IPO9: variants seen among roughly 807,000 people sequenced by gnomAD.
IPO9 encodes the protein importin 9, also known as importin-9.
A neutral mutation model predicts 128.6 loss-of-function variants in IPO9; 28 were observed. The observed-to-expected ratio is 0.22, with a 90% confidence interval of 0.16 to 0.30. The LOEUF (loss-of-function observed/expected upper bound fraction) is 0.30. Ranked by LOEUF, IPO9 falls within the 10% of genes least tolerant of loss-of-function variation. The probability of loss-of-function intolerance (pLI) is 1.00; values close to 1 mark genes in which losing one functional copy is unlikely to be tolerated. For synonymous variants in IPO9, 455 were observed against 475.8 expected, an observed-to-expected ratio of 0.96 and a Z score of 0.57; for missense variants, 935 against 1,293.9, an observed-to-expected ratio of 0.72 and a Z score of 4.26.
rs139364179 is a variant in IPO9 at position 201,868,658 on chromosome 1, C to T, written c.1866C>T (p.Val622=). The T allele has an allele frequency of 7.6e-5, 122 of 1,613,608 alleles. No homozygotes were observed. The highest frequency in any genetic ancestry group is 9.8e-5 in the Non-Finnish European group (116 of 1,179,780). ...CCTTATCCACTTCAGATCCCGTCGTCGCCTCACTGGCTCAGGACATCTTCA... is the reference window on the plus strand; with the variant it reads ...CCTTATCCACTTCAGATCCCGTCGTTGCCTCACTGGCTCAGGACATCTTCA... ...IFLKYSNDPV[V]ASLAQDIFKE... The change falls in exon 16 of 24, where the codon GTC becomes GTT. Residue 622 remains valine, a synonymous_variant. Transcript: ENST00000361565.
At chr1:201,871,472 C>T (rs1680652384) in intron 19 of IPO9, 145 bp downstream of exon 19, 3 of 571,172 alleles carry the variant, frequency 5.3e-6, no homozygotes, top group Non-Finnish European at 2.9e-6. Flanking sequence ...CTGCAACCTC[C>T]ACCTCCTAGG....
intron 1 of IPO9, among the ~76,000 whole-genome samples, chr1:201,831,545 A>G (rs1421693626): frequency 6.6e-6 from 1 of 152,180 alleles, no homozygotes; most frequent in East Asian, 1.9e-4. Flanking sequence ...ATGGCGGTCC[A>G]TTCCCTCAGA....
intron 6 of IPO9, among the ~76,000 whole-genome samples, chr1:201,853,985 C>T (rs1680272915): frequency 6.6e-6 from 1 of 152,204 alleles, no homozygotes; most frequent in African/African-American, 2.4e-5. Flanking sequence ...ATCCACCCAC[C>T]TCGGCCTCCC....
At chr1:201,873,768 A>T (rs906553074) in intron 20 of IPO9, among the ~76,000 whole-genome samples, 2 of 152,146 alleles carry the variant, frequency 1.3e-5, no homozygotes, top group Non-Finnish European at 2.9e-5. Context: ...AAAGACAAAA[A>T]TAGTCTCAGG....
At chr1:201,869,471 C>T in intron 16 of IPO9, 119 bp from the exon 17 acceptor site, 1 of 1,243,286 alleles carries the variant, frequency 8.0e-7, no homozygotes, top group South Asian at 1.4e-5. Flanking sequence ...GGAAACTTGC[C>T]TTTCATTAAT....
chr1:201,871,366 A>G, intron 19 of IPO9, 39 bp downstream of exon 19: 1 of 617,906 alleles, frequency 1.6e-6, no homozygotes, highest in Non-Finnish European at 2.4e-6. Flanking sequence ...TTCTGCCACC[A>G]CTCATATTTC....
At chr1:201,871,663 G>A (rs143813205) in intron 19 of IPO9, among the ~76,000 whole-genome samples, 1 of 152,132 alleles carries the variant, frequency 6.6e-6, no homozygotes, top group East Asian at 1.9e-4. Flanking sequence ...ACAGTGCTGG[G>A]ATTACAGGTG....
chr1:201,854,468 C>T lies in IPO9; in HGVS notation c.691-127C>T, dbSNP rs182352718. On this transcript the variant is annotated intron_variant, in intron 6 of 23. Coordinates refer to ENST00000361565, the MANE Select transcript of IPO9 (RefSeq NM_018085.5). Reference sequence around the variant, plus strand: ...CACCTTCATTGACTTTATAGCTATTCTCTTCTGATCAGGCTTGGAGCCTGA... The same window carrying T: ...CACCTTCATTGACTTTATAGCTATTTTCTTCTGATCAGGCTTGGAGCCTGA... 5.8e-4 allele frequency: 689 copies of T among 1,182,854 alleles called. 13 individuals carry two copies. The East Asian group carries it at 9.8e-3, about 17-fold the overall frequency. 73.3% of individuals were successfully genotyped at this position (1,182,854 alleles called of 1,614,324 possible). A position where few individuals can be genotyped will look rare whatever the true frequency, so the allele number is the denominator to read the frequency against.
intron 13 of IPO9, among the ~76,000 whole-genome samples, chr1:201,860,527 A>C (rs1047066917): frequency 6.6e-6 from 1 of 152,198 alleles, no homozygotes; most frequent in Non-Finnish European, 1.5e-5. Context: ...GCCCATCAAC[A>C]CATTTCTTAT....
chr1:201,847,203 G>A, intron 1 of IPO9, 76 bp from the exon 2 acceptor site: 1 of 988,146 alleles, frequency 1.0e-6, no homozygotes, highest in Non-Finnish European at 1.6e-6. Context: ...AATCTTGTTG[G>A]CATCAGGGTT....
intron 3 of IPO9, 42 bp downstream of exon 3, chr1:201,847,680 G>A: frequency 7.3e-7 from 1 of 1,373,414 alleles, no homozygotes. Context: ...GAGATTTGAG[G>A]GTCCATTTTA....
rs1301800714 is a variant in IPO9, at chr1:201,880,061, AG to A, written c.*4009del. 2 of 152,186 alleles carry A rather than the reference AG, an allele frequency of 1.3e-5. No homozygotes were observed. Among genetic ancestry groups the A allele is most frequent in the Non-Finnish European group, 2.9e-5 (2 of 68,062 alleles). 9.4% of individuals were successfully genotyped at this position (152,186 alleles called of 1,614,324 possible). A position where few individuals can be genotyped will look rare whatever the true frequency, so the allele number is the denominator to read the frequency against. On this transcript the variant is annotated 3_prime_UTR_variant, in exon 24 of 24. Coordinates refer to ENST00000361565, the MANE Select transcript of IPO9 (RefSeq NM_018085.5). ...CTCAAAAAATAAAGTTTATTATGCC[AG>A]GAGGGCCAGGTGTGGTGCCACACCC...
chr1:201,835,439 G>C (rs1192243189), intron 1 of IPO9, among the ~76,000 whole-genome samples: 1 of 152,208 alleles, frequency 6.6e-6, no homozygotes, highest in Non-Finnish European at 1.5e-5. Flanking sequence ...AATGAAAGAG[G>C]GCAGAGGATT....
intron 15 of IPO9, among the ~76,000 whole-genome samples, chr1:201,867,990 T>C (rs1415940290): frequency 6.6e-6 from 1 of 152,208 alleles, no homozygotes; most frequent in African/African-American, 2.4e-5. Flanking sequence ...ATCTAGGGTA[T>C]TCCCAATTTT....
At chr1:201,830,812 C>T (rs1357518343) in intron 1 of IPO9, among the ~76,000 whole-genome samples, 1 of 152,192 alleles carries the variant, frequency 6.6e-6, no homozygotes, top group African/African-American at 2.4e-5. Flanking sequence ...GTACCCAGTG[C>T]TCCTGGTGCT....
rs544440120 is a variant in IPO9 at position 201,850,018 on chromosome 1, A to G, written c.514+1424A>G. Among the ~76,000 whole-genome samples, 45 of 152,334 alleles carry G rather than the reference A, an allele frequency of 3.0e-4. No individual in the cohort carries two copies. In the South Asian group the frequency reaches 9.3e-3, roughly 32 times the overall value. ...AAGGAAAGGAAGCCTGTTCCCTCTC[A>G]GTCTTCCAAGATGAAATTCAGGTTC... On this transcript the variant is annotated intron_variant, in intron 4 of 23. Coordinates refer to ENST00000361565, the MANE Select transcript of IPO9 (RefSeq NM_018085.5).
chr1:201,838,750 G>A (rs897706545), intron 1 of IPO9, among the ~76,000 whole-genome samples: 1 of 151,656 alleles, frequency 6.6e-6, no homozygotes, highest in Admixed American at 6.6e-5. Context: ...AATGAATTAA[G>A]AATCTAAGAA....
At chr1:201,829,410 G>A (rs1457361571) in intron 1 of IPO9, 38 bp downstream of exon 1, 6 of 1,506,462 alleles carry the variant, frequency 4.0e-6, no homozygotes, top group East Asian at 2.7e-5. Context: ...TGGCTCAGCC[G>A]CACAATCCGC....
At position 201,854,622 on chromosome 1, in the gene IPO9, G is replaced by C. The variant is rs375241905; in HGVS notation, c.718G>C (p.Val240Leu). The C allele has an allele frequency of 6.2e-7, 1 of 1,614,068 alleles. No homozygotes were observed. The highest frequency in any genetic ancestry group is 8.5e-7 in the Non-Finnish European group (1 of 1,180,008). The change falls in exon 7 of 24, where the codon GTG becomes CTG. Residue 240 changes from valine (V) to leucine (L), a missense_variant. Val to Leu is a conservative substitution (Grantham distance 32). Coordinates refer to ENST00000361565, the MANE Select transcript of IPO9 (RefSeq NM_018085.5). The stretch of plus-strand genomic sequence containing the variant: ...TGCAGCCAAAGTCCTGATCTTTCCC[G>C]TGGTACAGCAGTTCACAGAGGCCTT... ...KGAAKVLIFP[V>L]VQQFTEAFVQ...
Sources: gnomAD v4.1 joint callset for allele counts (sites outside exome capture counted in the v4.1 genomes callset) on GRCh38, gnomAD v4.1.1 for gene constraint, MANE v1.5 for transcripts, NCBI Gene and HGNC (gene_info 2026-07-23, HGNC 2026-07-21) for gene names.